RIC1: variants seen among roughly 807,000 people sequenced by gnomAD.
RIC1 encodes the protein guanine nucleotide exchange factor subunit RIC1.
Under a neutral mutation model 169.0 loss-of-function variants are expected in RIC1, and 88 were observed. The ratio of observed to expected loss-of-function variants is 0.52; its 90% CI spans 0.44 to 0.62. The LOEUF (loss-of-function observed/expected upper bound fraction) is 0.62. RIC1 is among the 20% of genes least tolerant of loss of function. The probability of loss-of-function intolerance (pLI) is 0.00; values close to 1 mark genes in which losing one functional copy is unlikely to be tolerated. For synonymous variants in RIC1, 790 were observed against 601.5 expected (o/e 1.31, Z -4.59); for missense variants, 1,877 against 1,725.5 (o/e 1.09, Z -1.56).
At chr9:5,685,278 T>C (rs1308977511) in intron 2 of RIC1, among the ~76,000 whole-genome samples, 1 of 150,460 alleles carries the variant, frequency 6.6e-6, no homozygotes, top group Non-Finnish European at 1.5e-5. Context: ...AAAAACTACT[T>C]TAAAGTTCAT....
chr9:5,726,325 A>G (rs36154376), intron 6 of RIC1, among the ~76,000 whole-genome samples: 3 of 151,986 alleles, frequency 2.0e-5, no homozygotes, highest in African/African-American at 4.8e-5. Context: ...CTTTGTCTCT[A>G]TTGATCTTTG....
At chr9:5,635,854 C>T (rs956958517) in intron 1 of RIC1, among the ~76,000 whole-genome samples, 1 of 152,206 alleles carries the variant, frequency 6.6e-6, no homozygotes, top group African/African-American at 2.4e-5. Context: ...GCTTCCCCTT[C>T]TGCCATGATT....
At chr9:5,632,315 T>A (rs988288929) in intron 1 of RIC1, among the ~76,000 whole-genome samples, 2 of 152,228 alleles carry the variant, frequency 1.3e-5, no homozygotes, top group African/African-American at 4.8e-5. Flanking sequence ...TGTACAGTGA[T>A]AATTCATAAG....
chr9:5,678,829 G>T (rs1215798265), intron 2 of RIC1, among the ~76,000 whole-genome samples: 1 of 152,212 alleles, frequency 6.6e-6, no homozygotes, highest in Non-Finnish European at 1.5e-5. Flanking sequence ...CTTTTGCTGT[G>T]CAGAAGCTCT....
chr9:5,705,212 T>TTTA (rs1554669983), intron 3 of RIC1, among the ~76,000 whole-genome samples: 2 of 149,934 alleles, frequency 1.3e-5, no homozygotes, highest in African/African-American at 4.9e-5. Flanking sequence ...TTTTTTTTTT[T>TTTA]AAAAGAACAT....
rs550798751 is a variant in RIC1 at position 5,723,677 on chromosome 9, T to C, written c.720+2927T>C. 2.0e-5 allele frequency among the ~76,000 whole-genome samples: 3 copies of C among 152,260 alleles called. No homozygotes were observed. In the East Asian group the frequency reaches 5.8e-4, roughly 29 times the overall value. ...GTATTGTCTAGGTTTTCTTCTAGGG[T>C]TTTTATGGTTTTAGGTCCAACATTT... On this transcript the variant is annotated intron_variant, in intron 6 of 25. Coordinates refer to ENST00000414202, the MANE Select transcript of RIC1 (RefSeq NM_020829.4).
rs549532125 is a variant in RIC1 at position 5,721,823 on chromosome 9, T to G, written c.720+1073T>G. 7.2e-4 allele frequency among the ~76,000 whole-genome samples: 110 copies of G among 152,318 alleles called. 1 individual carries two copies. Among genetic ancestry groups the G allele is most frequent in the African/African-American group, 2.5e-3 (106 of 41,578 alleles). ...TCTCTTACTCAACCCAAACTGTCAG[T>G]TGTGTAAATATCCTCCCAGCTTTTT... is the stretch of plus-strand genomic sequence containing the variant. On this transcript the variant is annotated intron_variant, in intron 6 of 25. Coordinates refer to ENST00000414202, the MANE Select transcript of RIC1 (RefSeq NM_020829.4).
chr9:5,736,094 C>T (rs1824687370), intron 7 of RIC1, among the ~76,000 whole-genome samples: 1 of 152,146 alleles, frequency 6.6e-6, no homozygotes, highest in Non-Finnish European at 1.5e-5. Context: ...TAACTTAGCA[C>T]CTACTTCTTA....
In RIC1 at chr9:5,665,892, G is replaced by C. The variant is rs554980618; in HGVS notation, c.252+9202G>C. Among the ~76,000 whole-genome samples, 5 of 152,200 alleles carry C rather than the reference G, an allele frequency of 3.3e-5. No individual in the cohort carries two copies. The South Asian group carries it at 8.3e-4, about 25-fold the overall frequency. On this transcript the variant is annotated intron_variant, in intron 2 of 25. Coordinates refer to ENST00000414202, the MANE Select transcript of RIC1 (RefSeq NM_020829.4). ...AGGTGGCTGGAGACCTCTGTTGGGA[G>C]ATGTCACCCAGTCAGGAGGAACGGG...
At chr9:5,730,986 A>G (rs1824339649) in intron 6 of RIC1, among the ~76,000 whole-genome samples, 2 of 152,108 alleles carry the variant, frequency 1.3e-5, no homozygotes, top group Non-Finnish European at 2.9e-5. Flanking sequence ...TAGGGCTTTT[A>G]CACTTGTTTT....
At chr9:5,653,200 G>C (rs570252784) in intron 1 of RIC1, among the ~76,000 whole-genome samples, 65 of 152,160 alleles carry the variant, frequency 4.3e-4, no homozygotes, top group Non-Finnish European at 7.8e-4. Flanking sequence ...TTTCTCTGTT[G>C]TACTTCCTTT....
intron 3 of RIC1, among the ~76,000 whole-genome samples, chr9:5,692,620 T>A (rs908099095): frequency 2.6e-5 from 4 of 152,098 alleles, no homozygotes; most frequent in African/African-American, 9.7e-5. Context: ...GTTCTAGTTA[T>A]GTTACTTAGT....
intron 1 of RIC1, among the ~76,000 whole-genome samples, chr9:5,648,403 C>G (rs77010699): frequency 6.6e-6 from 1 of 152,092 alleles, no homozygotes; most frequent in Non-Finnish European, 1.5e-5. Context: ...TTTTTTCTGA[C>G]TCAATTGAAA....
At chr9:5,772,506 A>C in intron 23 of RIC1, 58 bp from the exon 24 acceptor site, 1 of 1,378,394 alleles carries the variant, frequency 7.3e-7, no homozygotes, top group Non-Finnish European at 9.8e-7. Context: ...ATTTAAAATT[A>C]AAGGAAAATA....
chr9:5,726,449 C>T (rs1272754740), intron 6 of RIC1, among the ~76,000 whole-genome samples: 1 of 152,116 alleles, frequency 6.6e-6, no homozygotes, highest in Non-Finnish European at 1.5e-5. Context: ...ATGTGTGTCT[C>T]TGCACGTAAG....
chr9:5,717,878 C>A (rs1207517620), intron 4 of RIC1, among the ~76,000 whole-genome samples: 3 of 150,180 alleles, frequency 2.0e-5, no homozygotes, highest in Non-Finnish European at 4.4e-5. Context: ...CAGTGGCTCA[C>A]GCCTGTAATC....
At chr9:5,751,547 G>A in intron 12 of RIC1, among the ~76,000 whole-genome samples, 1 of 151,862 alleles carries the variant, frequency 6.6e-6, no homozygotes, top group Non-Finnish European at 1.5e-5. Flanking sequence ...GTAGAGACGG[G>A]TTTCACCATG....
At chr9:5,703,926 G>C (rs1191417497) in intron 3 of RIC1, among the ~76,000 whole-genome samples, 2 of 152,106 alleles carry the variant, frequency 1.3e-5, no homozygotes, top group Non-Finnish European at 2.9e-5. Flanking sequence ...AGAATTGCTA[G>C]GTTACATGGT....
Position 5,636,906 on chromosome 9 carries a change from T to C in RIC1, c.144+7453T>C, listed in dbSNP as rs529077721. Among the ~76,000 whole-genome samples the C allele has an allele frequency of 5.9e-5, 9 of 152,312 alleles. No homozygotes were observed. In the South Asian group the frequency reaches 1.7e-3, roughly 28 times the overall value. ...AGAAACTATCTTAATTTGTATTATC[T>C]ATAGTGCCTTGTACAAGGAAGATGT... On this transcript the variant is annotated intron_variant, in intron 1 of 25. Transcript: ENST00000414202.
Sources: allele counts gnomAD v4.1 joint callset (sites outside exome capture counted in the v4.1 genomes callset), GRCh38; gene constraint gnomAD v4.1.1; transcripts MANE v1.5; gene names NCBI Gene and HGNC (gene_info 2026-07-23, HGNC 2026-07-21).